The following SLC15A2 variants were observed in gnomAD, a reference collection of about 807,000 sequenced individuals.
SLC15A2 encodes solute carrier family 15 member 2.
In SLC15A2, 77 loss-of-function variants were observed where a neutral mutation model predicts 95.5. The ratio of observed to expected loss-of-function variants is 0.81; its 90% confidence interval spans 0.67 to 0.97. The LOEUF (loss-of-function observed/expected upper bound fraction) is 0.97. Ranked by LOEUF, SLC15A2 falls within the 50% of genes least tolerant of loss-of-function variation. The pLI, the probability that SLC15A2 is intolerant of heterozygous loss-of-function variation, is 0.00. For missense variants in SLC15A2, 893 were observed against 874.4 expected (o/e 1.02, Z -0.27); for synonymous variants, 306 against 306.9 (o/e 1.00, Z 0.03).
rs201972736 is a variant in SLC15A2 at position 121,939,516 on chromosome 3, G to T, written c.1908+21G>T. 208 of 1,470,746 alleles carry T rather than the reference G, an allele frequency of 1.4e-4. No individual in the cohort carries two copies. The African/African-American group carries it at 2.4e-3, about 17-fold the overall frequency. The allele number at this position is 1,470,746 out of a possible 1,614,324, so 91.1% of individuals were successfully genotyped here. On this transcript the variant is annotated intron_variant, in intron 20 of 21. Transcript: ENST00000489711. ...CTCAGGTAAGTTTTTGCAAATAGAAGGTAGAAATTGAGGCATTGCTTGAAG... is the reference window on the plus strand; with the variant it reads ...CTCAGGTAAGTTTTTGCAAATAGAATGTAGAAATTGAGGCATTGCTTGAAG...
chr3:121,914,892 G>A (rs1422577850), intron 5 of SLC15A2: 4 of 423,588 alleles, frequency 9.4e-6, no homozygotes, highest in African/African-American at 4.7e-5. Context: ...ACACACACAT[G>A]AAATAAAAAA....
intron 3 of SLC15A2, among the ~76,000 whole-genome samples, chr3:121,901,278 A>G (rs112863925): frequency 6.6e-6 from 1 of 152,064 alleles, no homozygotes; most frequent in African/African-American, 2.4e-5. Flanking sequence ...CTGTCTCCCA[A>G]ACTGCTGGGA....
chr3:121,924,408 G>A (rs1710070491), intron 12 of SLC15A2, 25 bp downstream of exon 12: 1 of 1,607,946 alleles, frequency 6.2e-7, no homozygotes, highest in Non-Finnish European at 8.5e-7. Context: ...TATAGCCATG[G>A]GGACTTATTT....
At chr3:121,900,730 G>T (rs984070172) in intron 3 of SLC15A2, among the ~76,000 whole-genome samples, 12 of 151,962 alleles carry the variant, frequency 7.9e-5, no homozygotes, top group Non-Finnish European at 1.8e-4. Context: ...ACCCCGTAAG[G>T]CTCACTCAAA....
chr3:121,940,494 G>A lies in SLC15A2; in HGVS notation c.2013+6G>A, dbSNP rs2107615668. On this transcript the variant is annotated splice_donor_region_variant and intron_variant, in intron 21 of 21. Coordinates refer to ENST00000489711, the MANE Select transcript of SLC15A2 (RefSeq NM_021082.4). ...AGTTCAGTGGCCTGGTACAGGTATG[G>A]ATCTGAGGGAAGCAGGATTCATTTC... 6.2e-7 allele frequency: 1 copy of A among 1,601,460 alleles called. No individual in the cohort carries two copies. Among genetic ancestry groups the A allele is most frequent in the East Asian group, 2.2e-5 (1 of 44,708 alleles).
chr3:121,919,638 G>C (rs2689284), intron 7 of SLC15A2, among the ~76,000 whole-genome samples: 67,811 of 151,930 alleles, frequency 0.45, 15,670 homozygotes, highest in East Asian at 0.69. Flanking sequence ...GAACCGGCAA[G>C]TCGGTTTTCA....
intron 7 of SLC15A2, among the ~76,000 whole-genome samples, chr3:121,920,347 G>C (rs1326819759): frequency 1.3e-5 from 2 of 152,154 alleles, no homozygotes. Flanking sequence ...GCAGGCTGGA[G>C]TGTGGTGGCG....
chr3:121,926,408 C>T (rs148048213), intron 13 of SLC15A2, among the ~76,000 whole-genome samples: 2 of 152,338 alleles, frequency 1.3e-5, no homozygotes, highest in East Asian at 1.9e-4. Context: ...CTACCCTTCA[C>T]TTGCTCCTGC....
chr3:121,942,033 C>T lies in SLC15A2; in HGVS notation c.*1026C>T, dbSNP rs1293310412. On this transcript the variant is annotated 3_prime_UTR_variant, in exon 22 of 22. Transcript: ENST00000489711. ...GTAGTTCCTTTTTGATGTTGTTTTC[C>T]TGATTTACTTTTCCCATAAGTTTTA... 2 of 152,038 alleles carry T rather than the reference C, an allele frequency of 1.3e-5. No individual in the cohort carries two copies. Among genetic ancestry groups the T allele is most frequent in the East Asian group, 3.9e-4 (2 of 5,192 alleles). 9.4% of individuals were successfully genotyped at this position (152,038 alleles called of 1,614,324 possible).
At position 121,913,061 on chromosome 3, in the gene SLC15A2, A is replaced by G; in HGVS notation, c.469A>G (p.Thr157Ala). The G allele has an allele frequency of 6.2e-7, 1 of 1,613,722 alleles. No individual in the cohort carries two copies. Among genetic ancestry groups the G allele is most frequent in the African/African-American group, 1.3e-5 (1 of 75,028 alleles). Residue 157 changes from threonine (T) to alanine (A), a missense_variant, in exon 5 of 22, where the codon ACA (threonine) becomes GCA (alanine). By Grantham distance (58) the Thr-to-Ala change is moderately conservative. Coordinates refer to ENST00000489711, the MANE Select transcript of SLC15A2 (RefSeq NM_021082.4). ...CGGCCTGAGTCTAATAGCTTTGGGG[A>G]CAGGAGGCATCAAACCCTGTGTGGC... ...LIGLSLIALGTGGIKPCVAAF... is the reference protein window; with the variant it reads ...LIGLSLIALGAGGIKPCVAAF...
chr3:121,928,306 A>C, intron 14 of SLC15A2, 115 bp from the exon 15 acceptor site: 1 of 1,300,002 alleles, frequency 7.7e-7, no homozygotes, highest in Non-Finnish European at 1.1e-6. Flanking sequence ...CAGAGGGAGA[A>C]AACTATGTCT....
intron 2 of SLC15A2, 40 bp downstream of exon 2, chr3:121,896,533 C>T: frequency 7.0e-7 from 1 of 1,433,024 alleles, no homozygotes; most frequent in Non-Finnish European, 9.9e-7. Flanking sequence ...TCTCCTCCAC[C>T]CACCCTCACC....
chr3:121,897,312 T>A, intron 2 of SLC15A2, 76 bp from the exon 3 acceptor site: 9 of 1,547,478 alleles, frequency 5.8e-6, no homozygotes, highest in Non-Finnish European at 7.0e-6. Flanking sequence ...AGAGATTAAA[T>A]ATTTTTTTCC....
chr3:121,928,392 T>C, intron 14 of SLC15A2, 29 bp from the exon 15 acceptor site: 1 of 1,608,362 alleles, frequency 6.2e-7, no homozygotes, highest in Non-Finnish European at 8.5e-7. Context: ...TATTTGTTGG[T>C]GATTCTGACA....
intron 3 of SLC15A2, among the ~76,000 whole-genome samples, chr3:121,902,505 C>T (rs1469256674): frequency 2.6e-5 from 4 of 152,282 alleles, no homozygotes; most frequent in South Asian, 4.1e-4. Flanking sequence ...GCTATCCCTC[C>T]ACCAGCCCTC....
chr3:121,905,492 A>G (rs547178244), intron 3 of SLC15A2, among the ~76,000 whole-genome samples: 183 of 152,328 alleles, frequency 1.2e-3, no homozygotes, highest in Admixed American at 3.1e-3. Context: ...ATTTAGTGCT[A>G]TAAGTTTCCC....
At chr3:121,922,179 T>C in intron 7 of SLC15A2, 41 bp from the exon 8 acceptor site, 1 of 1,548,472 alleles carries the variant, frequency 6.5e-7, no homozygotes, top group African/African-American at 1.4e-5. Flanking sequence ...ACCAACCTAA[T>C]AAATGAGAAG....
chr3:121,927,908 T>C, intron 14 of SLC15A2, 69 bp downstream of exon 14: 1 of 1,196,374 alleles, frequency 8.4e-7, no homozygotes, highest in Admixed American at 1.7e-5. Context: ...TTTTGACTTG[T>C]TCAGTCATGA....
chr3:121,924,386 A>T lies in SLC15A2; in HGVS notation c.1035+3A>T. The T allele has an allele frequency of 6.2e-7, 1 of 1,613,166 alleles. No individual in the cohort carries two copies. The highest frequency in any genetic ancestry group is 8.5e-7 in the Non-Finnish European group (1 of 1,179,162). ...TGCTTCAGCCGGACCAGATGCAGGT[A>T]TGTGACTCTTCTATAGCCATGGGGA... On this transcript the variant is annotated splice_donor_region_variant and intron_variant, in intron 12 of 21. Transcript: ENST00000489711.
Sources: allele counts gnomAD v4.1 joint callset (sites outside exome capture counted in the v4.1 genomes callset), GRCh38; gene constraint gnomAD v4.1.1; transcripts MANE v1.5; gene names NCBI Gene and HGNC (gene_info 2026-07-23, HGNC 2026-07-21).